Variants in KCTD1 observed in about 807,000 individuals in gnomAD.
The protein encoded by KCTD1 is BTB/POZ domain-containing protein KCTD1.
In KCTD1, 24 loss-of-function variants were observed where a neutral mutation model predicts 66.0. The ratio of observed to expected loss-of-function variants is 0.36; its 90% CI spans 0.26 to 0.51. KCTD1 has a LOEUF of 0.51. KCTD1 is among the 20% of genes least tolerant of loss of function. The pLI, the probability that KCTD1 is intolerant of heterozygous loss-of-function variation, is 0.95. For missense variants in KCTD1, 943 were observed against 1,205.2 expected, an observed-to-expected ratio of 0.78 and a Z score of 3.22; for synonymous variants, 511 against 517.2, an observed-to-expected ratio of 0.99 and a Z score of 0.16.
intron 1 of KCTD1, among the ~76,000 whole-genome samples, chr18:26,613,828 C>T (rs1987189786): frequency 6.6e-6 from 1 of 152,194 alleles, no homozygotes; most frequent in African/African-American, 2.4e-5. Flanking sequence ...AAGCATGTCC[C>T]TATATCGGGG....
intron 1 of KCTD1, among the ~76,000 whole-genome samples, chr18:26,537,979 G>T (rs1598927078): frequency 6.6e-6 from 1 of 152,350 alleles, no homozygotes; most frequent in East Asian, 1.9e-4. Flanking sequence ...GGGCATGGTG[G>T]CTCATGCCTG....
At chr18:26,625,097 C>T (rs965612624) in intron 1 of KCTD1, among the ~76,000 whole-genome samples, 1 of 152,142 alleles carries the variant, frequency 6.6e-6, no homozygotes, top group Non-Finnish European at 1.5e-5. Context: ...CCTGTACCCT[C>T]ATTGTATCTG....
intron 1 of KCTD1, among the ~76,000 whole-genome samples, chr18:26,652,240 T>C (rs1475218991): frequency 6.6e-6 from 1 of 152,234 alleles, no homozygotes; most frequent in Non-Finnish European, 1.5e-5. Flanking sequence ...GTTAGAGAGA[T>C]GACATCGTTC....
At chr18:26,654,129 T>G (rs578096005) in intron 1 of KCTD1, among the ~76,000 whole-genome samples, 1 of 152,276 alleles carries the variant, frequency 6.6e-6, no homozygotes, top group East Asian at 1.9e-4. Context: ...AAGAAAGCAT[T>G]TGTGCAAGCA....
chr18:26,574,417 C>G (rs1986178472), intron 1 of KCTD1, among the ~76,000 whole-genome samples: 1 of 152,162 alleles, frequency 6.6e-6, no homozygotes, highest in Non-Finnish European at 1.5e-5. Flanking sequence ...AAAAATGGTT[C>G]CCAGTTAACA....
chr18:26,558,696 G>T (rs1217851712), intron 1 of KCTD1, among the ~76,000 whole-genome samples: 1 of 152,190 alleles, frequency 6.6e-6, no homozygotes, highest in East Asian at 1.9e-4. Flanking sequence ...GGCTGAGGCT[G>T]GCGGATCACG....
At chr18:26,505,381 C>G (rs958638759) in intron 1 of KCTD1, among the ~76,000 whole-genome samples, 4 of 152,254 alleles carry the variant, frequency 2.6e-5, no homozygotes, top group South Asian at 2.1e-4. Flanking sequence ...AGAAACAACT[C>G]AGAGTGCTGA....
chr18:26,620,932 A>T (rs997590988), intron 1 of KCTD1, among the ~76,000 whole-genome samples: 1 of 148,480 alleles, frequency 6.7e-6, no homozygotes, highest in Admixed American at 6.8e-5. Context: ...TCCCGGGTTC[A>T]CGCCATTCTC....
chr18:26,549,340 C>T (rs1169351428), upstream of KCTD1: 1 of 985,388 alleles, frequency 1.0e-6, no homozygotes, highest in Middle Eastern at 5.2e-4. Flanking sequence ...CCACGTCAGC[C>T]ACATCCCTTT....
chr18:26,480,760 T>C (rs984155609), intron 2 of KCTD1, among the ~76,000 whole-genome samples: 7 of 151,944 alleles, frequency 4.6e-5, no homozygotes, highest in Non-Finnish European at 8.8e-5. Flanking sequence ...GAGCGAGACT[T>C]TGTCTTAAAA....
chr18:26,459,368 C>T (rs1024828562), intron 4 of KCTD1: 5 of 436,878 alleles, frequency 1.1e-5, no homozygotes, highest in East Asian at 1.1e-4. Flanking sequence ...GGACTATAGG[C>T]GTGTGCCACC....
intron 1 of KCTD1, among the ~76,000 whole-genome samples, chr18:26,608,850 C>A (rs570075486): frequency 1.3e-5 from 2 of 152,228 alleles, no homozygotes; most frequent in Non-Finnish European, 2.9e-5. Context: ...AAGCCAATTG[C>A]TTCTGATGTC....
At chr18:26,625,379 C>T (rs522724) in intron 1 of KCTD1, among the ~76,000 whole-genome samples, 2 of 152,142 alleles carry the variant, frequency 1.3e-5, no homozygotes, top group East Asian at 3.9e-4. Context: ...GGGAGGGACC[C>T]AGTGGGAGAT....
chr18:26,631,977 C>T (rs1017051202), upstream of KCTD1, among the ~76,000 whole-genome samples: 1 of 151,910 alleles, frequency 6.6e-6, no homozygotes, highest in African/African-American at 2.4e-5. Context: ...GTGAACCCGG[C>T]AGGCGGAGCT....
intron 1 of KCTD1, among the ~76,000 whole-genome samples, chr18:26,606,836 G>A (rs946990359): frequency 1.9e-4 from 29 of 152,252 alleles, no homozygotes; most frequent in Admixed American, 1.7e-3. Flanking sequence ...CCACTAAGCT[G>A]TGGGAGACAG....
intron 1 of KCTD1, among the ~76,000 whole-genome samples, chr18:26,564,804 G>T (rs751950130): frequency 7.2e-5 from 11 of 151,768 alleles, no homozygotes; most frequent in Non-Finnish European, 1.0e-4. Flanking sequence ...CAGGAGAATC[G>T]CTTGAACCCG....
At position 26,560,028 on chromosome 18, in the gene KCTD1, A is replaced by G. The variant is rs528361681; in HGVS notation, c.-15-58778T>C. ...TTCTCTTTGGGAGGCTTTACATTACATGTGATTCTCAACATTGGCTATATC... is the reference window on the plus strand; with the variant it reads ...TTCTCTTTGGGAGGCTTTACATTACGTGTGATTCTCAACATTGGCTATATC... On this transcript the variant is annotated intron_variant, in intron 1 of 4. Transcript: ENST00000317932. Among the ~76,000 whole-genome samples, 52 of 152,172 alleles carry G rather than the reference A, an allele frequency of 3.4e-4. No homozygotes were observed. The South Asian group carries it at 1.0e-2, about 29-fold the overall frequency.
rs764068862 is a variant in KCTD1 at position 26,459,791 on chromosome 18, G to A, written c.2268C>T (p.Ala756=). The A allele has an allele frequency of 2.0e-5, 32 of 1,613,994 alleles. No homozygotes were observed. Among genetic ancestry groups the A allele is most frequent in the Non-Finnish European group, 2.6e-5 (31 of 1,180,046 alleles). The change falls in exon 4 of 5, where the codon GCC becomes GCT. Residue 756 remains alanine, a synonymous_variant. Transcript: ENST00000580059. ...GCGTGATCCTTTCTCCGAGGTCTGG[G>A]GCCACACGCACGACGAGGCACTCAC... ...RPCECLVVRV[A]PDLGERITLS... is the part of the protein sequence containing the mutation.
At position 26,548,522 on chromosome 18, in the gene KCTD1, A is replaced by G. The variant is rs1598935423; in HGVS notation, c.15T>C (p.Pro5=). The G allele has an allele frequency of 8.3e-6, 10 of 1,204,476 alleles. No individual in the cohort carries two copies. Among genetic ancestry groups the G allele is most frequent in the African/African-American group, 1.6e-5 (1 of 62,272 alleles). The allele number at this position is 1,204,476 out of a possible 1,614,324, so 74.6% of individuals were successfully genotyped here. The change falls in exon 1 of 5, where the codon CCT becomes CCC. Residue 5 remains proline (P), a synonymous_variant. Transcript: ENST00000580059. ...CGCTGGTGTTACAGTCCCCGCTGCC[A>G]GGCATTCTCGCCATATTGCCGTCTC... MARM[P]GSGDCNTSAG...
Sources: allele counts gnomAD v4.1 joint callset (sites outside exome capture counted in the v4.1 genomes callset), GRCh38; gene constraint gnomAD v4.1.1; transcripts MANE v1.5; gene names NCBI Gene and HGNC (gene_info 2026-07-23, HGNC 2026-07-21).